The following CLMP variants were observed in gnomAD, a reference collection of about 807,000 sequenced individuals.
CLMP encodes the protein CXADR like cell adhesion molecule.
CLMP carries 27 observed loss-of-function variants against 45.2 expected under a neutral mutation model. The ratio of observed to expected loss-of-function variants is 0.60; its 90% CI spans 0.44 to 0.82. CLMP has a LOEUF of 0.82. CLMP is among the 40% of genes least tolerant of loss of function. The pLI is 0.00. For synonymous variants in CLMP, 167 were observed against 171.4 expected (o/e 0.97, Z 0.20); for missense variants, 403 against 448.4 (o/e 0.90, Z 0.91).
chr11:123,139,278 T>G (rs1242747682), intron 1 of CLMP, among the ~76,000 whole-genome samples: 1 of 151,876 alleles, frequency 6.6e-6, no homozygotes, highest in Non-Finnish European at 1.5e-5. Flanking sequence ...TTGAAAACTA[T>G]TCTGTAGCTC....
intron 1 of CLMP, among the ~76,000 whole-genome samples, chr11:123,136,735 T>C (rs1286907681): frequency 1.3e-5 from 2 of 151,236 alleles, no homozygotes; most frequent in Non-Finnish European, 2.9e-5. Context: ...GCCTGGCTAG[T>C]TTTTGCATTT....
At chr11:123,107,533 A>ATTTTTTTTTTTTTT (rs1860578174) in intron 1 of CLMP, among the ~76,000 whole-genome samples, 3 of 113,364 alleles carry the variant, frequency 2.6e-5, no homozygotes, top group South Asian at 2.9e-4. Context: ...ACCTGACCTA[A>ATTTTTTTTTTTTTT]ATTTTTTTTT....
chr11:123,135,186 G>A (rs1051422692), intron 1 of CLMP, among the ~76,000 whole-genome samples: 1 of 150,678 alleles, frequency 6.6e-6, no homozygotes, highest in African/African-American at 2.5e-5. Flanking sequence ...CTTGAACCCG[G>A]GAGACAGAGG....
At position 123,165,175 on chromosome 11, in the gene CLMP, T is replaced by G. The variant is rs183925947; in HGVS notation, c.28+29738A>C. On this transcript the variant is annotated intron_variant, in intron 1 of 6. Transcript: ENST00000448775. ...ATATCCACCATAGCATCTTCTGATC[T>G]GTCAGCTGCCCTCTGATGACAAGGC... Among the ~76,000 whole-genome samples, 474 of 152,338 alleles carry G rather than the reference T, an allele frequency of 3.1e-3. 3 individuals carry two copies. The highest frequency in any genetic ancestry group is 0.011 in the African/African-American group (444 of 41,570).
chr11:123,107,477 C>T (rs1860577109), intron 1 of CLMP, among the ~76,000 whole-genome samples: 1 of 151,470 alleles, frequency 6.6e-6, no homozygotes, highest in Non-Finnish European at 1.5e-5. Flanking sequence ...GTGATCCTCC[C>T]ACTTCAGCCT....
At chr11:123,109,575 A>G (rs1860610114) in intron 1 of CLMP, among the ~76,000 whole-genome samples, 2 of 152,246 alleles carry the variant, frequency 1.3e-5, no homozygotes, top group Admixed American at 1.3e-4. Context: ...GCACAGAGCT[A>G]GGTAGCAGAG....
chr11:123,150,506 A>T (rs1861312496), intron 1 of CLMP, among the ~76,000 whole-genome samples: 1 of 131,532 alleles, frequency 7.6e-6, no homozygotes, highest in Non-Finnish European at 1.6e-5. Context: ...GAAGGAAGGA[A>T]GGAAGGAAGG....
At chr11:123,165,313 T>C (rs1861542372) in intron 1 of CLMP, among the ~76,000 whole-genome samples, 1 of 152,184 alleles carries the variant, frequency 6.6e-6, no homozygotes, top group Admixed American at 6.5e-5. Flanking sequence ...ATATGGTAAG[T>C]CTAAAACCTT....
chr11:123,155,138 G>T (rs926186846), intron 1 of CLMP, among the ~76,000 whole-genome samples: 1 of 152,092 alleles, frequency 6.6e-6, no homozygotes, highest in African/African-American at 2.4e-5. Context: ...ACAGGCATGT[G>T]CCACCATACC....
At chr11:123,092,661 A>G (rs1469188923) in intron 2 of CLMP, among the ~76,000 whole-genome samples, 1 of 150,112 alleles carries the variant, frequency 6.7e-6, no homozygotes, top group Non-Finnish European at 1.5e-5. Flanking sequence ...ACAGTGATGC[A>G]ATCTCAGCTC....
chr11:123,153,674 T>C (rs1861371685), intron 1 of CLMP, among the ~76,000 whole-genome samples: 2 of 152,124 alleles, frequency 1.3e-5, no homozygotes, highest in African/African-American at 4.8e-5. Context: ...CTTTTAATGC[T>C]TTTTAATTTT....
At chr11:123,088,356 G>A (rs79435815) in intron 2 of CLMP, among the ~76,000 whole-genome samples, 2,522 of 152,276 alleles carry the variant, frequency 0.017, 74 homozygotes, top group African/African-American at 0.056. Context: ...AAGTAAGGGG[G>A]CCTTACACCT....
chr11:123,160,516 CT>C (rs1861472080), intron 1 of CLMP, among the ~76,000 whole-genome samples: 1 of 152,076 alleles, frequency 6.6e-6, no homozygotes, highest in South Asian at 2.1e-4. Flanking sequence ...CAACGAGAAA[CT>C]TGGGAAAGGA....
intron 1 of CLMP, among the ~76,000 whole-genome samples, chr11:123,099,994 T>C (rs1866036012): frequency 6.6e-6 from 1 of 152,126 alleles, no homozygotes; most frequent in African/African-American, 2.4e-5. Context: ...AAGCAAATGA[T>C]GGATTTGCGA....
At chr11:123,154,879 T>A (rs749895247) in intron 1 of CLMP, among the ~76,000 whole-genome samples, 4 of 152,216 alleles carry the variant, frequency 2.6e-5, no homozygotes, top group Non-Finnish European at 5.9e-5. Flanking sequence ...GTTACTGTAA[T>A]TTGTTTGGTG....
chr11:123,121,201 G>A (rs1252019246), intron 1 of CLMP, among the ~76,000 whole-genome samples: 1 of 152,016 alleles, frequency 6.6e-6, no homozygotes, highest in African/African-American at 2.4e-5. Context: ...TTCTTTGTAG[G>A]CTGTTTGATT....
At chr11:123,103,752 A>T (rs1460082538) in intron 1 of CLMP, among the ~76,000 whole-genome samples, 1 of 138,354 alleles carries the variant, frequency 7.2e-6, no homozygotes, top group African/African-American at 2.7e-5. Context: ...ATTTTTTTAC[A>T]TTGCTCAAAG....
intron 1 of CLMP, among the ~76,000 whole-genome samples, chr11:123,108,665 G>A (rs1026087408): frequency 6.6e-6 from 1 of 152,080 alleles, no homozygotes; most frequent in Non-Finnish European, 1.5e-5. Context: ...GGAAAAAGGA[G>A]GAGAGTGGGA....
chr11:123,098,284 A>G (rs1330268792), intron 1 of CLMP, among the ~76,000 whole-genome samples: 3 of 151,256 alleles, frequency 2.0e-5, no homozygotes, highest in Admixed American at 6.6e-5. Flanking sequence ...CTGGAGTGCA[A>G]TGGCATGATC....
Sources: gnomAD v4.1 joint callset for allele counts (sites outside exome capture counted in the v4.1 genomes callset) on GRCh38, gnomAD v4.1.1 for gene constraint, MANE v1.5 for transcripts, NCBI Gene and HGNC (gene_info 2026-07-23, HGNC 2026-07-21) for gene names.